WWC1: variants seen among roughly 807,000 people sequenced by gnomAD.
WWC1 encodes WW and C2 domain containing 1.
A neutral mutation model predicts 138.4 loss-of-function variants in WWC1; 55 were observed. The ratio of observed to expected loss-of-function variants is 0.40; its 90% CI spans 0.32 to 0.50. The LOEUF (loss-of-function observed/expected upper bound fraction) is 0.50, where lower values mean the gene tolerates loss of function less well. Among genes scored for constraint, WWC1 ranks in the 20% least tolerant of loss-of-function variants. The pLI is 0.72. For missense variants in WWC1, 1,226 were observed against 1,420.4 expected (o/e 0.86, Z 2.20); for synonymous variants, 524 against 564.9 (o/e 0.93, Z 1.03).
chr5:168,363,580 G>A (rs1776057017), intron 1 of WWC1, among the ~76,000 whole-genome samples: 1 of 150,712 alleles, frequency 6.6e-6, no homozygotes, highest in Admixed American at 6.6e-5. Flanking sequence ...CCTCCAGGAA[G>A]GGAGGTGATA....
intron 10 of WWC1, among the ~76,000 whole-genome samples, chr5:168,422,329 G>A (rs983497011): frequency 1.3e-5 from 2 of 152,214 alleles, no homozygotes; most frequent in Non-Finnish European, 2.9e-5. Flanking sequence ...GCAGGTAATA[G>A]GTAGTCTTAA....
chr5:168,385,479 C>T, intron 3 of WWC1, 65 bp downstream of exon 3: 2 of 1,521,532 alleles, frequency 1.3e-6, no homozygotes, highest in East Asian at 4.6e-5. Flanking sequence ...CTGAGTTCTG[C>T]CAATATTGCT....
intron 20 of WWC1, among the ~76,000 whole-genome samples, chr5:168,464,119 G>A (rs1247495376): frequency 6.6e-6 from 1 of 152,124 alleles, no homozygotes; most frequent in Non-Finnish European, 1.5e-5. Context: ...GTGCAGAGGA[G>A]GAGGTCTCCA....
chr5:168,467,233 G>A (rs1484971672), intron 21 of WWC1, among the ~76,000 whole-genome samples: 4 of 152,246 alleles, frequency 2.6e-5, no homozygotes, highest in Non-Finnish European at 5.9e-5. Context: ...ACTCCAGCCT[G>A]GGCGACAGAG....
intron 1 of WWC1, among the ~76,000 whole-genome samples, chr5:168,340,345 C>T (rs931596132): frequency 2.6e-5 from 4 of 152,126 alleles, no homozygotes; most frequent in South Asian, 2.1e-4. Context: ...CAAAGTGCTG[C>T]GATTACAATT....
At chr5:168,307,432 G>A (rs531141394) in intron 1 of WWC1, among the ~76,000 whole-genome samples, 1 of 151,964 alleles carries the variant, frequency 6.6e-6, no homozygotes, top group African/African-American at 2.4e-5. Flanking sequence ...TCTTTGCTTG[G>A]TCTTTGCTTG....
intron 13 of WWC1, among the ~76,000 whole-genome samples, 198 bp from the exon 14 acceptor site, chr5:168,429,938 CA>C (rs903193658): frequency 9.5e-4 from 143 of 149,908 alleles, no homozygotes; most frequent in African/African-American, 3.4e-3. Context: ...TGTTTCAAAA[CA>C]AAAAAAAAAT....
chr5:168,382,869 A>G (rs1777752999), intron 2 of WWC1, among the ~76,000 whole-genome samples: 1 of 152,132 alleles, frequency 6.6e-6, no homozygotes, highest in Non-Finnish European at 1.5e-5. Context: ...ATTGCTATTC[A>G]CAGACGATTC....
At chr5:168,361,995 A>C (rs1463053636) in intron 1 of WWC1, among the ~76,000 whole-genome samples, 2 of 152,166 alleles carry the variant, frequency 1.3e-5, no homozygotes, top group African/African-American at 4.8e-5. Context: ...AGGCAGGAGA[A>C]TCGCTTGAAC....
chr5:168,389,689 C>T (rs1367101168), intron 3 of WWC1, among the ~76,000 whole-genome samples: 1 of 147,060 alleles, frequency 6.8e-6, no homozygotes, highest in Non-Finnish European at 1.5e-5. Context: ...GTCTCATTCT[C>T]TACCGACTGA....
intron 2 of WWC1, among the ~76,000 whole-genome samples, chr5:168,384,797 A>C (rs1485869520): frequency 1.4e-5 from 2 of 144,584 alleles, no homozygotes; most frequent in East Asian, 4.0e-4. Flanking sequence ...AGCTTGCTGC[A>C]ACCTCCCCCT....
intron 1 of WWC1, among the ~76,000 whole-genome samples, chr5:168,306,867 G>C (rs1308141611): frequency 6.6e-6 from 1 of 152,238 alleles, no homozygotes; most frequent in Non-Finnish European, 1.5e-5. Flanking sequence ...AAAGTGCTGG[G>C]ATTATAGGCG....
At chr5:168,411,863 A>C in intron 8 of WWC1, 1 of 548,688 alleles carries the variant, frequency 1.8e-6, no homozygotes, top group Non-Finnish European at 2.3e-6. Flanking sequence ...TGCTGGGAAA[A>C]GTCAGCTGTA....
At chr5:168,458,106 G>C (rs1756493717) in intron 19 of WWC1, among the ~76,000 whole-genome samples, 1 of 152,120 alleles carries the variant, frequency 6.6e-6, no homozygotes, top group South Asian at 2.1e-4. Flanking sequence ...TCATAAGGTG[G>C]GGTTTTCTCA....
Position 168,423,816 on chromosome 5 carries a change from G to T in WWC1, c.1558G>T (p.Ala520Ser), listed in dbSNP as rs1231131791. 8 of 1,614,122 alleles carry T rather than the reference G, an allele frequency of 5.0e-6. No individual in the cohort carries two copies. The highest frequency in any genetic ancestry group is 3.3e-5 in the South Asian group (3 of 91,084). ...GGCAGAGGGAGGTGGCCGCCTGCAG[G>T]CTCTGCGTTCCCTGTCTGGCACCCC... is the stretch of plus-strand genomic sequence containing the variant. ...QKAEGGGRLQ[A>S]LRSLSGTPKS... Residue 520 changes from alanine (A) to serine (S), a missense_variant, in exon 11 of 23, where the codon GCT becomes TCT. By Grantham distance (99) the Ala-to-Ser change is moderately conservative. This residue lies in a region of WWC1 where 1,016 missense variants were observed against 1,153.9 expected (regional missense o/e 0.88). Transcript: ENST00000265293.
chr5:168,321,534 C>CTTTTT (rs575822782), intron 1 of WWC1, among the ~76,000 whole-genome samples: 3 of 137,788 alleles, frequency 2.2e-5, no homozygotes, highest in Non-Finnish European at 4.7e-5. Flanking sequence ...GGGCAATATC[C>CTTTTT]TTTTTTTTTT....
intron 3 of WWC1, among the ~76,000 whole-genome samples, chr5:168,388,869 C>T (rs1002761272): frequency 4.6e-5 from 7 of 151,618 alleles, no homozygotes; most frequent in African/African-American, 1.5e-4. Flanking sequence ...AAATAATTGT[C>T]GATGACACAT....
At chr5:168,390,026 T>G (rs1464893171) in intron 3 of WWC1, among the ~76,000 whole-genome samples, 2 of 152,190 alleles carry the variant, frequency 1.3e-5, no homozygotes, top group East Asian at 3.9e-4. Flanking sequence ...TGATAGGAAA[T>G]ACATAATATT....
intron 1 of WWC1, among the ~76,000 whole-genome samples, chr5:168,362,449 G>A (rs916153513): frequency 6.6e-6 from 1 of 152,212 alleles, no homozygotes; most frequent in South Asian, 2.1e-4. Flanking sequence ...AGAGCCCTCT[G>A]CTCTTAACCA....
Sources: allele counts gnomAD v4.1 joint callset (sites outside exome capture counted in the v4.1 genomes callset), GRCh38; gene constraint gnomAD v4.1.1; regional missense constraint gnomAD v4.1.1; transcripts MANE v1.5; gene names NCBI Gene and HGNC (gene_info 2026-07-23, HGNC 2026-07-21).